The following PPP2R3A variants were observed in gnomAD, a reference collection of about 807,000 sequenced individuals.
PPP2R3A encodes serine/threonine-protein phosphatase 2A regulatory subunit B'' subunit alpha.
Under a neutral mutation model 106.9 loss-of-function variants are expected in PPP2R3A, and 80 were observed. The ratio of observed to expected loss-of-function variants is 0.75; its 90% CI spans 0.62 to 0.90. The LOEUF is 0.90. PPP2R3A is among the 40% of genes least tolerant of loss of function. The probability of loss-of-function intolerance (pLI) is 0.00; values close to 1 mark genes in which losing one functional copy is unlikely to be tolerated. For synonymous variants in PPP2R3A, 483 were observed against 468.3 expected (o/e 1.03, Z -0.41); for missense variants, 1,386 against 1,350.4 (o/e 1.03, Z -0.41).
intron 13 of PPP2R3A, among the ~76,000 whole-genome samples, chr3:136,107,071 A>T (rs1156920928): frequency 3.3e-5 from 5 of 152,060 alleles, no homozygotes; most frequent in African/African-American, 7.2e-5. Flanking sequence ...GCATAATTCC[A>T]TAAAGGGACC....
At chr3:136,142,072 T>C (rs1214567137) in intron 13 of PPP2R3A, among the ~76,000 whole-genome samples, 1 of 152,150 alleles carries the variant, frequency 6.6e-6, no homozygotes, top group Non-Finnish European at 1.5e-5. Flanking sequence ...AGAAAGAGGC[T>C]GAGGCTGGAC....
chr3:136,105,679 C>T (rs1421722584), intron 12 of PPP2R3A, among the ~76,000 whole-genome samples: 1 of 151,952 alleles, frequency 6.6e-6, no homozygotes, highest in African/African-American at 2.4e-5. Context: ...GAGTTGGAAT[C>T]AGCCAGCCAC....
At chr3:135,992,757 A>G (rs1425865758) in intron 1 of PPP2R3A, among the ~76,000 whole-genome samples, 1 of 152,168 alleles carries the variant, frequency 6.6e-6, no homozygotes, top group Non-Finnish European at 1.5e-5. Context: ...GGAGTTAAAG[A>G]TAAATATTTG....
Position 136,002,809 on chromosome 3 carries a change from T to A in PPP2R3A, c.1311T>A (p.Pro437=), listed in dbSNP as rs1450221765. ...LDKGQKTENG[P]SHELLKVNEH... is the part of the protein sequence containing the mutation. ...AAGGACAAAAGACAGAGAATGGACC[T>A]AGTCATGAGTTATTAAAGGTAAATG... is the stretch of plus-strand genomic sequence containing the variant. Residue 437 remains proline (P), a synonymous_variant, in exon 2 of 14, where the codon CCT becomes CCA. Coordinates refer to ENST00000264977, the MANE Select transcript of PPP2R3A (RefSeq NM_002718.5). 19 of 1,613,840 alleles carry A rather than the reference T, an allele frequency of 1.2e-5. No individual in the cohort carries two copies. The highest frequency in any genetic ancestry group is 1.6e-5 in the Non-Finnish European group (19 of 1,179,876).
chr3:136,039,523 A>C (rs1320751446), intron 3 of PPP2R3A, among the ~76,000 whole-genome samples: 1 of 152,170 alleles, frequency 6.6e-6, no homozygotes, highest in Non-Finnish European at 1.5e-5. Context: ...TCAGATCCTC[A>C]GGCATGCGTT....
At chr3:136,009,691 G>T (rs149974909) in intron 2 of PPP2R3A, among the ~76,000 whole-genome samples, 1 of 152,184 alleles carries the variant, frequency 6.6e-6, no homozygotes, top group African/African-American at 2.4e-5. Flanking sequence ...TGGGGGTAGG[G>T]CTCAACATTT....
rs541742831 is a variant in PPP2R3A, at chr3:136,004,744, G to A, written c.1995+1251G>A. On this transcript the variant is annotated intron_variant, in intron 2 of 13. Transcript: ENST00000264977. Reference sequence around the variant, plus strand: ...GTTAATGGTTAATCCTGGAGGAAGGGAAATGCAACTGAGGAAGGGCGTACA... The same window carrying A: ...GTTAATGGTTAATCCTGGAGGAAGGAAAATGCAACTGAGGAAGGGCGTACA... Among the ~76,000 whole-genome samples, 17 of 152,282 alleles carry A rather than the reference G, an allele frequency of 1.1e-4. No homozygotes were observed. The South Asian group carries it at 3.3e-3, about 30-fold the overall frequency.
Position 136,002,452 on chromosome 3 carries a change from A to C in PPP2R3A, c.954A>C (p.Gln318His). 1 of 1,614,070 alleles carries C rather than the reference A, an allele frequency of 6.2e-7. No individual in the cohort carries two copies. The highest frequency in any genetic ancestry group is 8.5e-7 in the Non-Finnish European group (1 of 1,179,926). ...TGATCAGTAATATGCCTAGCTTACA[A>C]CTGACTCCCTTCTCCCCAGTGTTTG... ...TELISNMPSL[Q>H]LTPFSPVFGT... The change falls in exon 2 of 14, where the codon CAA (glutamine) becomes CAC (histidine). Residue 318 changes from glutamine (Q) to histidine (H), a missense_variant. Coordinates refer to ENST00000264977, the MANE Select transcript of PPP2R3A (RefSeq NM_002718.5).
intron 2 of PPP2R3A, among the ~76,000 whole-genome samples, chr3:136,020,935 TTAAA>T (rs1381092777): frequency 2.6e-5 from 4 of 152,094 alleles, no homozygotes. Flanking sequence ...GTAAGGGGAC[TTAAA>T]TAAACAGGAA....
At chr3:135,997,981 G>A (rs1050975668) in intron 1 of PPP2R3A, among the ~76,000 whole-genome samples, 1 of 152,124 alleles carries the variant, frequency 6.6e-6, no homozygotes, top group African/African-American at 2.4e-5. Context: ...TTACTCTCTA[G>A]CCTAAAAGTC....
chr3:136,047,533 C>T (rs901101541), intron 4 of PPP2R3A, among the ~76,000 whole-genome samples: 4 of 152,144 alleles, frequency 2.6e-5, no homozygotes, highest in Non-Finnish European at 4.4e-5. Context: ...TAAGCAAATT[C>T]GCAGAAACAG....
intron 10 of PPP2R3A, among the ~76,000 whole-genome samples, chr3:136,099,437 T>G (rs573981678): frequency 2.0e-5 from 3 of 152,112 alleles, no homozygotes; most frequent in African/African-American, 7.2e-5. Context: ...GTGATTAATA[T>G]CCTCAGAGAG....
intron 2 of PPP2R3A, among the ~76,000 whole-genome samples, chr3:136,007,616 C>T (rs1306693089): frequency 6.6e-6 from 1 of 152,140 alleles, no homozygotes; most frequent in South Asian, 2.1e-4. Flanking sequence ...AGAAATCCCT[C>T]GATAATATGC....
chr3:136,046,292 A>C (rs1420770187), intron 4 of PPP2R3A, among the ~76,000 whole-genome samples: 1 of 152,118 alleles, frequency 6.6e-6, no homozygotes, highest in Non-Finnish European at 1.5e-5. Flanking sequence ...ATCTCTACTA[A>C]AAATACAAAA....
chr3:135,973,587 C>G (rs566133012), intron 1 of PPP2R3A, among the ~76,000 whole-genome samples: 1 of 152,156 alleles, frequency 6.6e-6, no homozygotes, highest in Non-Finnish European at 1.5e-5. Context: ...AATTCTGTTG[C>G]TATTCCTCAT....
intron 10 of PPP2R3A, 110 bp downstream of exon 10, chr3:136,090,777 G>C: frequency 1.3e-6 from 1 of 778,832 alleles, no homozygotes; most frequent in Non-Finnish European, 2.1e-6. Context: ...GCAATACTAA[G>C]ATGAATTAGA....
rs549556706 is a variant in PPP2R3A at position 135,980,715 on chromosome 3, G to T, written c.-441+14866G>T. The stretch of plus-strand genomic sequence containing the variant: ...AATCTGTTTCCCTTAAGAGCCAGTT[G>T]CCATCATGATAAAGCCTGTTTAGGC... On this transcript the variant is annotated intron_variant, in intron 1 of 13. Transcript: ENST00000264977. Among the ~76,000 whole-genome samples the T allele has an allele frequency of 2.0e-5, 3 of 151,962 alleles. No individual in the cohort carries two copies. The South Asian group carries it at 6.2e-4, about 31-fold the overall frequency.
chr3:136,042,982 T>G (rs1232011887), intron 4 of PPP2R3A, among the ~76,000 whole-genome samples: 19 of 150,718 alleles, frequency 1.3e-4, no homozygotes, highest in East Asian at 5.8e-4. Context: ...TTTTTTTTTT[T>G]GTAACATTTG....
intron 13 of PPP2R3A, among the ~76,000 whole-genome samples, chr3:136,117,507 GAA>G (rs1236148443): frequency 6.6e-6 from 1 of 152,110 alleles, no homozygotes; most frequent in Non-Finnish European, 1.5e-5. Context: ...AGAAAAGAGA[GAA>G]GAGTCAAATA....
Sources: allele counts gnomAD v4.1 joint callset (sites outside exome capture counted in the v4.1 genomes callset), GRCh38; gene constraint gnomAD v4.1.1; transcripts MANE v1.5; gene names NCBI Gene and HGNC (gene_info 2026-07-23, HGNC 2026-07-21).